The following SPAG17 variants were observed in gnomAD, a reference collection of about 807,000 sequenced individuals.
SPAG17 encodes the protein sperm associated antigen 17.
A neutral mutation model predicts 273.6 loss-of-function variants in SPAG17; 169 were observed. The observed-to-expected ratio is 0.62, with a 90% confidence interval of 0.55 to 0.70. The LOEUF (loss-of-function observed/expected upper bound fraction) is 0.70, where lower values mean the gene tolerates loss of function less well. Among genes scored for constraint, SPAG17 ranks in the 30% least tolerant of loss-of-function variants. SPAG17 has a pLI of 0.00. For synonymous variants in SPAG17, 825 were observed against 873.2 expected (o/e 0.94, Z 0.97); for missense variants, 2,557 against 2,627.8 (o/e 0.97, Z 0.59).
intron 31 of SPAG17, among the ~76,000 whole-genome samples, chr1:118,006,864 G>A (rs1031308533): frequency 2.6e-5 from 4 of 152,210 alleles, no homozygotes; most frequent in Non-Finnish European, 5.9e-5. Flanking sequence ...CACAACTAAT[G>A]ATGTTGAGCA....
Position 118,081,234 on chromosome 1 carries a change from T to C in SPAG17, c.2076A>G (p.Ser692=). ...VQDNESNREP[S]DPSQCDANNM... ...TGTTAGCATCACACTGACTAGGATCTGAAGGTTCTCGGTTGCTTTCATTAT... is the reference window on the plus strand; with the variant it reads ...TGTTAGCATCACACTGACTAGGATCCGAAGGTTCTCGGTTGCTTTCATTAT... The change falls in exon 15 of 49, where the codon TCA becomes TCG. Residue 692 remains serine (S), a synonymous_variant. Coordinates refer to ENST00000336338, the MANE Select transcript of SPAG17 (RefSeq NM_206996.4). The C allele has an allele frequency of 6.2e-7, 1 of 1,614,140 alleles. No homozygotes were observed. Among genetic ancestry groups the C allele is most frequent in the Non-Finnish European group, 8.5e-7 (1 of 1,180,006 alleles).
At position 117,974,529 on chromosome 1, in the gene SPAG17, T is replaced by TAA. The variant is rs552448026; in HGVS notation, c.6005-970_6005-969dup. 0.024 allele frequency among the ~76,000 whole-genome samples: 3,569 copies of TAA among 150,082 alleles called. 248 individuals carry two copies. In the East Asian group the frequency reaches 0.27, roughly 11 times the overall value. ...TGAAAGATTTATTAAAACTAATGAG[T>TAA]AAAAAAAAAATCCCAAGCATTTCTT... On this transcript the variant is annotated intron_variant, in intron 43 of 48. Transcript: ENST00000336338.
intron 1 of SPAG17, among the ~76,000 whole-genome samples, chr1:118,152,804 A>C (rs1159136925): frequency 6.6e-6 from 1 of 152,180 alleles, no homozygotes; most frequent in East Asian, 1.9e-4. Context: ...TGATATGTAT[A>C]ATGTGTAATG....
chr1:118,152,416 G>C (rs1558049672), intron 1 of SPAG17, among the ~76,000 whole-genome samples: 1 of 152,030 alleles, frequency 6.6e-6, no homozygotes, highest in African/African-American at 2.4e-5. Context: ...GGTTCCTCTG[G>C]TTTCTGCCCA....
chr1:118,124,443 C>G lies in SPAG17; in HGVS notation c.316-9002G>C, dbSNP rs562780338. On this transcript the variant is annotated intron_variant, in intron 3 of 48. Transcript: ENST00000336338. ...TCAGATTCATCTTTTGAAATCCCCT[C>G]ACAGAATCTGATGCATATATAGACA... 3.3e-5 allele frequency among the ~76,000 whole-genome samples: 5 copies of G among 152,330 alleles called. No individual in the cohort carries two copies. The South Asian group carries it at 8.3e-4, about 25-fold the overall frequency.
intron 24 of SPAG17, 101 bp downstream of exon 24, chr1:118,036,669 A>C: frequency 1.3e-6 from 1 of 761,974 alleles, no homozygotes; most frequent in Non-Finnish European, 2.2e-6. Flanking sequence ...AGGAGCATTA[A>C]ATCATAACAT....
At chr1:117,981,172 TG>T in intron 43 of SPAG17, 97 bp downstream of exon 43, 2 of 1,341,146 alleles carry the variant, frequency 1.5e-6, no homozygotes, top group Non-Finnish European at 2.0e-6. Flanking sequence ...GATTTTTTTC[TG>T]TAACTCTCAA....
chr1:118,154,921 A>G (rs1461669164), intron 1 of SPAG17, among the ~76,000 whole-genome samples: 1 of 152,122 alleles, frequency 6.6e-6, no homozygotes, highest in African/African-American at 2.4e-5. Context: ...GAGAAAGAAA[A>G]GACTAATAAT....
intron 3 of SPAG17, among the ~76,000 whole-genome samples, chr1:118,134,532 A>T (rs1417053490): frequency 6.6e-6 from 1 of 152,184 alleles, no homozygotes; most frequent in African/African-American, 2.4e-5. Context: ...CCAGCAATGA[A>T]CTGCTTTTAA....
intron 4 of SPAG17, among the ~76,000 whole-genome samples, chr1:118,105,071 G>A (rs1440527293): frequency 2.6e-5 from 4 of 152,174 alleles, no homozygotes; most frequent in Admixed American, 1.3e-4. Flanking sequence ...ACTGGACCTT[G>A]ATAGAAGGAG....
intron 1 of SPAG17, among the ~76,000 whole-genome samples, chr1:118,184,773 G>A (rs920631078): frequency 2.0e-5 from 3 of 152,214 alleles, no homozygotes; most frequent in Admixed American, 2.0e-4. Context: ...CAATTGTGGA[G>A]TGCCATCTGG....
chr1:118,016,660 C>G (rs1660011841), intron 28 of SPAG17, among the ~76,000 whole-genome samples: 1 of 152,322 alleles, frequency 6.6e-6, no homozygotes, highest in Non-Finnish European at 1.5e-5. Flanking sequence ...TCAGTAATAA[C>G]AGGAAACATC....
chr1:118,068,158 A>ATATATATAATATATG (rs1381372273), intron 17 of SPAG17, among the ~76,000 whole-genome samples: 4 of 150,334 alleles, frequency 2.7e-5, no homozygotes, highest in African/African-American at 9.7e-5. Context: ...TATAATATAT[A>ATATATATAATATATG]TATATATAAC....
At chr1:117,978,343 G>A (rs1035433811) in intron 43 of SPAG17, among the ~76,000 whole-genome samples, 1 of 152,134 alleles carries the variant, frequency 6.6e-6, no homozygotes, top group African/African-American at 2.4e-5. Flanking sequence ...CTGTCACTAT[G>A]GAGAAGGTGA....
chr1:117,999,224 T>A (rs1451322882), intron 32 of SPAG17, among the ~76,000 whole-genome samples: 2 of 152,254 alleles, frequency 1.3e-5, no homozygotes, highest in Non-Finnish European at 2.9e-5. Context: ...TAATCCAGTC[T>A]ATCATTGATG....
chr1:118,119,152 C>T (rs1045773798), intron 3 of SPAG17, among the ~76,000 whole-genome samples: 1 of 152,138 alleles, frequency 6.6e-6, no homozygotes, highest in Non-Finnish European at 1.5e-5. Flanking sequence ...CACATTTATA[C>T]ATATATGCAT....
At chr1:118,121,243 G>T (rs1028678346) in intron 3 of SPAG17, among the ~76,000 whole-genome samples, 1 of 152,132 alleles carries the variant, frequency 6.6e-6, no homozygotes, top group Admixed American at 6.5e-5. Flanking sequence ...CAAACAAAGG[G>T]GAGGCAGCAA....
intron 48 of SPAG17, chr1:117,954,711 TG>T: frequency 7.4e-7 from 1 of 1,356,668 alleles, no homozygotes; most frequent in Middle Eastern, 1.9e-4. Flanking sequence ...CATTATGATT[TG>T]GGGATGGATT....
intron 1 of SPAG17, among the ~76,000 whole-genome samples, chr1:118,155,489 A>G (rs1659605549): frequency 6.6e-6 from 1 of 152,212 alleles, no homozygotes. Flanking sequence ...ATTTAGGGAA[A>G]GACAAGGGCA....
Sources: gnomAD v4.1 joint callset for allele counts (sites outside exome capture counted in the v4.1 genomes callset) on GRCh38, gnomAD v4.1.1 for gene constraint, MANE v1.5 for transcripts, NCBI Gene and HGNC (gene_info 2026-07-23, HGNC 2026-07-21) for gene names.